Variants in GRIN2B observed in about 807,000 individuals in gnomAD.
GRIN2B encodes the protein glutamate ionotropic receptor NMDA type subunit 2B, also known as glutamate receptor ionotropic, NMDA 2B.
GRIN2B carries 5 observed loss-of-function variants against 114.5 expected under a neutral mutation model. The ratio of observed to expected loss-of-function variants is 0.04; its 90% CI spans 0.02 to 0.09. The LOEUF (loss-of-function observed/expected upper bound fraction) is 0.09. GRIN2B is among the 10% of genes least tolerant of loss of function. GRIN2B has a pLI of 1.00. For synonymous variants in GRIN2B, 787 were observed against 745.1 expected (o/e 1.06, Z -0.92); for missense variants, 1,108 against 1,943.5 (o/e 0.57, Z 8.08).
intron 9 of GRIN2B, among the ~76,000 whole-genome samples, chr12:13,609,043 C>T (rs1163316751): frequency 6.6e-6 from 1 of 152,106 alleles, no homozygotes; most frequent in Non-Finnish European, 1.5e-5. Flanking sequence ...AGGAGAAAAA[C>T]CAGAAGCCCG....
At chr12:13,682,470 T>C (rs10744037) in intron 4 of GRIN2B, among the ~76,000 whole-genome samples, 55,758 of 152,084 alleles carry the variant, frequency 0.37, 11,707 homozygotes, top group East Asian at 0.79. Context: ...TTCCAGTGGA[T>C]AACACATTTT....
At chr12:13,609,370 T>C (rs930895720) in intron 9 of GRIN2B, among the ~76,000 whole-genome samples, 1 of 152,200 alleles carries the variant, frequency 6.6e-6, no homozygotes, top group Admixed American at 6.5e-5. Flanking sequence ...TTTTTCCTGA[T>C]TTTTCTTTAG....
In GRIN2B at chr12:13,958,587, A is replaced by T. The variant is rs552634218; in HGVS notation, c.-19+21341T>A. 2.0e-5 allele frequency among the ~76,000 whole-genome samples: 3 copies of T among 152,328 alleles called. No homozygotes were observed. In the East Asian group the frequency reaches 5.8e-4, roughly 29 times the overall value. On this transcript the variant is annotated intron_variant, in intron 2 of 13. Transcript: ENST00000609686. The stretch of plus-strand genomic sequence containing the variant: ...GGGAGGTTCTCATTAGCAGATGCCC[A>T]GGACATGGCACTGGTACCTTTTTCT...
chr12:13,917,062 A>G (rs962027002), intron 2 of GRIN2B, among the ~76,000 whole-genome samples: 2 of 152,090 alleles, frequency 1.3e-5, no homozygotes, highest in African/African-American at 4.8e-5. Flanking sequence ...GGCATTCCAC[A>G]CTAAGGGGCA....
intron 3 of GRIN2B, among the ~76,000 whole-genome samples, chr12:13,770,849 TTCTA>T (rs1037733964): frequency 1.3e-5 from 2 of 152,182 alleles, no homozygotes; most frequent in Non-Finnish European, 2.9e-5. Context: ...CTGTAATGGA[TTCTA>T]TCTGACAAGA....
chr12:13,601,316 T>G (rs535911391), intron 10 of GRIN2B, among the ~76,000 whole-genome samples: 37 of 152,296 alleles, frequency 2.4e-4, no homozygotes, highest in Middle Eastern at 3.4e-3. Context: ...TTCTGGTGGC[T>G]CCATGTCTTC....
chr12:13,741,282 G>A (rs979278857), intron 4 of GRIN2B, among the ~76,000 whole-genome samples: 1 of 151,954 alleles, frequency 6.6e-6, no homozygotes, highest in Non-Finnish European at 1.5e-5. Context: ...CACCCACCTT[G>A]GCCTTCCAAA....
At chr12:13,846,177 G>A (rs1285039925) in intron 3 of GRIN2B, among the ~76,000 whole-genome samples, 1 of 152,134 alleles carries the variant, frequency 6.6e-6, no homozygotes, top group Non-Finnish European at 1.5e-5. Context: ...ATGAGAACCA[G>A]ACCTCTTGAT....
chr12:13,729,637 T>C (rs1348404364), intron 4 of GRIN2B, among the ~76,000 whole-genome samples: 1 of 152,042 alleles, frequency 6.6e-6, no homozygotes, highest in Admixed American at 6.6e-5. Flanking sequence ...CTCCCAGATA[T>C]CTTGCTCATT....
chr12:13,625,495 C>T (rs189323684), intron 5 of GRIN2B, among the ~76,000 whole-genome samples: 99 of 152,288 alleles, frequency 6.5e-4, no homozygotes, highest in African/African-American at 1.7e-3. Flanking sequence ...CTCTCTGTGC[C>T]GGGCTCATTA....
chr12:13,642,256 T>TA (rs1302976687), intron 5 of GRIN2B, among the ~76,000 whole-genome samples: 1 of 151,972 alleles, frequency 6.6e-6, no homozygotes, highest in Non-Finnish European at 1.5e-5. Flanking sequence ...AAATGTAACT[T>TA]AAAAAAACCC....
At chr12:13,922,927 A>C (rs1158857173) in intron 2 of GRIN2B, among the ~76,000 whole-genome samples, 4 of 152,186 alleles carry the variant, frequency 2.6e-5, no homozygotes, top group Non-Finnish European at 5.9e-5. Flanking sequence ...GCACAATATC[A>C]CAAAGACTTT....
intron 5 of GRIN2B, among the ~76,000 whole-genome samples, chr12:13,648,476 A>G (rs1268944173): frequency 6.6e-6 from 1 of 152,070 alleles, no homozygotes; most frequent in East Asian, 1.9e-4. Context: ...ACACTAAGTC[A>G]CTTGGAAGAC....
chr12:13,611,111 A>G (rs1391695387), intron 9 of GRIN2B, among the ~76,000 whole-genome samples: 2 of 152,214 alleles, frequency 1.3e-5, no homozygotes, highest in East Asian at 1.9e-4. Context: ...CAGCCCTCAC[A>G]TCTCTAGGTC....
chr12:13,671,037 C>T (rs1950017788), intron 5 of GRIN2B, among the ~76,000 whole-genome samples: 1 of 152,054 alleles, frequency 6.6e-6, no homozygotes, highest in South Asian at 2.1e-4. Context: ...AACAATTGCT[C>T]TGGGGAGGAT....
chr12:13,801,007 T>G (rs762184077), intron 3 of GRIN2B, among the ~76,000 whole-genome samples: 29 of 152,244 alleles, frequency 1.9e-4, no homozygotes, highest in Non-Finnish European at 4.3e-4. Context: ...TCAAGGGGAT[T>G]TATCTTCTCT....
intron 2 of GRIN2B, among the ~76,000 whole-genome samples, chr12:13,962,047 T>C (rs900253423): frequency 6.6e-6 from 1 of 151,416 alleles, no homozygotes; most frequent in Non-Finnish European, 1.5e-5. Flanking sequence ...TGTGAAGAAA[T>C]GGTTTTTCAT....
At chr12:13,609,590 G>A (rs1184453706) in intron 9 of GRIN2B, among the ~76,000 whole-genome samples, 1 of 152,034 alleles carries the variant, frequency 6.6e-6, no homozygotes, top group Non-Finnish European at 1.5e-5. Flanking sequence ...TGGCTAACAC[G>A]GTGAAACCCC....
chr12:13,863,108 A>C (rs2300279), intron 3 of GRIN2B, among the ~76,000 whole-genome samples: 39,571 of 152,154 alleles, frequency 0.26, 5,937 homozygotes, highest in Non-Finnish European at 0.32. Flanking sequence ...GCAATGAAGG[A>C]AGGAGCAAGG....
Sources: gnomAD v4.1 joint callset for allele counts (sites outside exome capture counted in the v4.1 genomes callset) on GRCh38, gnomAD v4.1.1 for gene constraint, MANE v1.5 for transcripts, NCBI Gene and HGNC (gene_info 2026-07-23, HGNC 2026-07-21) for gene names.